KANK1: variants seen among roughly 807,000 people sequenced by gnomAD.
KANK1 encodes the protein KN motif and ankyrin repeat domain-containing protein 1.
A neutral mutation model predicts 106.2 loss-of-function variants in KANK1; 109 were observed. The ratio of observed to expected loss-of-function variants is 1.03; its 90% CI spans 0.88 to 1.20. KANK1 has a LOEUF of 1.20. KANK1 is among the 50% of genes most tolerant of loss of function. The probability of loss-of-function intolerance (pLI) is 0.00; values close to 1 mark genes in which losing one functional copy is unlikely to be tolerated. For synonymous variants in KANK1, 873 were observed against 652.2 expected, an observed-to-expected ratio of 1.34 and a Z score of -5.16; for missense variants, 2,399 against 1,710.7, an observed-to-expected ratio of 1.40 and a Z score of -7.10.
intron 1 of KANK1, among the ~76,000 whole-genome samples, chr9:631,942 A>G (rs574175615): frequency 3.3e-5 from 5 of 152,332 alleles, no homozygotes; most frequent in African/African-American, 1.2e-4. Flanking sequence ...GCTCACACCA[A>G]TAGGATAAGT....
Position 654,426 on chromosome 9 carries a change from G to C in KANK1, c.-83-22464G>C, listed in dbSNP as rs76952022. On this transcript the variant is annotated intron_variant, in intron 1 of 11. Coordinates refer to ENST00000382297, the MANE Select transcript of KANK1 (RefSeq NM_015158.5). The stretch of plus-strand genomic sequence containing the variant: ...AAATCTCTGGGAGAATCTTGGAATA[G>C]TATATTACCAGATCTGGAGGAACTA... Among the ~76,000 whole-genome samples the C allele has an allele frequency of 9.5e-3, 1,452 of 152,260 alleles. 27 individuals carry two copies. The highest frequency in any genetic ancestry group is 0.033 in the African/African-American group (1,380 of 41,532).
intron 1 of KANK1, among the ~76,000 whole-genome samples, chr9:560,498 G>C (rs1039337848): frequency 6.6e-6 from 1 of 152,198 alleles, no homozygotes; most frequent in Non-Finnish European, 1.5e-5. Flanking sequence ...TGGATTGTGG[G>C]CAGGATGTAG....
intron 1 of KANK1, among the ~76,000 whole-genome samples, chr9:527,359 T>C (rs2059837233): frequency 2.6e-5 from 4 of 151,816 alleles, no homozygotes; most frequent in Admixed American, 2.6e-4. Context: ...TGGAGTGCAG[T>C]GGCGCGATCT....
chr9:488,053 A>C (rs1245555591), intron 3 of KANK1, among the ~76,000 whole-genome samples: 1 of 152,130 alleles, frequency 6.6e-6, no homozygotes, highest in Non-Finnish European at 1.5e-5. Context: ...TCTCATTTCT[A>C]GGTTTCTTGT....
rs751225332 is a variant in KANK1 at position 734,772 on chromosome 9, G to A, written c.3270G>A (p.Leu1090=). 3 of 1,612,848 alleles carry A rather than the reference G, an allele frequency of 1.9e-6. No homozygotes were observed. The Admixed American group carries it at 5.0e-5, about 27-fold the overall frequency. The change falls in exon 7 of 12, where the codon TTG becomes TTA. Residue 1090 remains leucine (L), a synonymous_variant. Transcript: ENST00000382297. ...GGTATGAATTAAGTGAAAAGATGTT[G>A]TCTGCATGCAACTTACTGAAAAATA... is the stretch of plus-strand genomic sequence containing the variant. ...RERYELSEKM[L]SACNLLKNTI...
chr9:603,952 C>G (rs1828427412), intron 1 of KANK1, among the ~76,000 whole-genome samples: 1 of 116,908 alleles, frequency 8.6e-6, no homozygotes, highest in Non-Finnish European at 1.9e-5. Flanking sequence ...GAGCAAGACT[C>G]TGTCTCAAAA....
At chr9:503,551 T>G (rs1295898181), upstream of KANK1, among the ~76,000 whole-genome samples, 5 of 152,278 alleles carry the variant, frequency 3.3e-5, no homozygotes, top group African/African-American at 9.6e-5. Context: ...TGATGGCTCT[T>G]CACTTGCACA....
chr9:578,390 A>G (rs2135176845), intron 1 of KANK1, among the ~76,000 whole-genome samples: 1 of 152,108 alleles, frequency 6.6e-6, no homozygotes, highest in African/African-American at 2.4e-5. Flanking sequence ...AAAATGAAAT[A>G]TATTAGCAAC....
At chr9:503,735 C>T (rs10119358), upstream of KANK1, among the ~76,000 whole-genome samples, 6,037 of 152,202 alleles carry the variant, frequency 0.04, 384 homozygotes, top group African/African-American at 0.14. Context: ...TCCCAAGCTC[C>T]TCTTCTGTTT....
At chr9:698,224 T>C (rs1821794355) in intron 2 of KANK1, among the ~76,000 whole-genome samples, 1 of 152,150 alleles carries the variant, frequency 6.6e-6, no homozygotes, top group Non-Finnish European at 1.5e-5. Flanking sequence ...GGGTCGGTGT[T>C]GTCTTAGCCT....
chr9:639,640 A>G (rs1442024601), intron 1 of KANK1, among the ~76,000 whole-genome samples: 6 of 152,176 alleles, frequency 3.9e-5, no homozygotes, highest in African/African-American at 1.4e-4. Context: ...TTTACCAAAC[A>G]GTGCCACACC....
At chr9:719,213 C>T (rs1263321828) in intron 3 of KANK1, among the ~76,000 whole-genome samples, 3 of 151,956 alleles carry the variant, frequency 2.0e-5, no homozygotes, top group Admixed American at 6.6e-5. Context: ...ATGATCCACC[C>T]ACCTCGGCCT....
At chr9:607,997 C>A (rs1223047335) in intron 1 of KANK1, among the ~76,000 whole-genome samples, 1 of 148,368 alleles carries the variant, frequency 6.7e-6, no homozygotes, top group East Asian at 1.9e-4. Context: ...GAAGGAAAGA[C>A]TAAAAAACTT....
At chr9:628,527 C>T (rs1480971730) in intron 1 of KANK1, among the ~76,000 whole-genome samples, 1 of 152,170 alleles carries the variant, frequency 6.6e-6, no homozygotes, top group Non-Finnish European at 1.5e-5. Context: ...CTCTGCTCGT[C>T]ACTTGAGGTG....
At chr9:676,153 A>G (rs769586696) in intron 1 of KANK1, among the ~76,000 whole-genome samples, 2 of 152,112 alleles carry the variant, frequency 1.3e-5, no homozygotes, top group Admixed American at 1.3e-4. Context: ...TGTGACCTGT[A>G]TCTTGTGCTG....
In KANK1 at chr9:745,469, CTGTTGA is replaced by C; in HGVS notation, c.*235_*240del. On this transcript the variant is annotated 3_prime_UTR_variant, in exon 12 of 12. Transcript: ENST00000382297. ...GCACACTTTAACCCAGTCTCTGTTG[CTGTTGA>C]GTCTCTGCTCCGTTTTGTACAGTCA... 2 of 450,766 alleles carry C rather than the reference CTGTTGA, an allele frequency of 4.4e-6. No homozygotes were observed. The highest frequency in any genetic ancestry group is 8.0e-6 in the Non-Finnish European group (2 of 250,866). The allele number at this position is 450,766 out of a possible 1,614,324, so 27.9% of individuals were successfully genotyped here. A position where few individuals can be genotyped will look rare whatever the true frequency, so the allele number is the denominator to read the frequency against.
At chr9:640,651 C>T (rs1838211932) in intron 1 of KANK1, among the ~76,000 whole-genome samples, 1 of 151,848 alleles carries the variant, frequency 6.6e-6, no homozygotes, top group African/African-American at 2.4e-5. Flanking sequence ...CCTGCCTCGG[C>T]CTCCCCAAGT....
chr9:736,872 C>A (rs142665881), intron 7 of KANK1, among the ~76,000 whole-genome samples: 1 of 152,194 alleles, frequency 6.6e-6, no homozygotes, highest in African/African-American at 2.4e-5. Context: ...TGGTGCCTTA[C>A]AACCCCAGAT....
intron 1 of KANK1, among the ~76,000 whole-genome samples, chr9:623,619 AAAAG>A (rs1192218932): frequency 4.6e-5 from 7 of 152,084 alleles, no homozygotes; most frequent in East Asian, 1.9e-4. Flanking sequence ...AAAAAAAAGA[AAAAG>A]AAAAAAAAAA....
Sources: allele counts gnomAD v4.1 joint callset (sites outside exome capture counted in the v4.1 genomes callset), GRCh38; gene constraint gnomAD v4.1.1; transcripts MANE v1.5; gene names NCBI Gene and HGNC (gene_info 2026-07-23, HGNC 2026-07-21).